Variants in CHRNA5 observed in about 807,000 individuals in gnomAD.
The protein encoded by CHRNA5 is cholinergic receptor nicotinic alpha 5 subunit.
Under a neutral mutation model 41.2 loss-of-function variants are expected in CHRNA5, and 28 were observed. The observed-to-expected ratio is 0.68, with a 90% CI of 0.50 to 0.93. CHRNA5 has a LOEUF of 0.93. CHRNA5 is among the 40% of genes least tolerant of loss of function. CHRNA5 has a pLI of 0.00. For missense variants in CHRNA5, 481 were observed against 581.9 expected (o/e 0.83, Z 1.78); for synonymous variants, 188 against 205.8 (o/e 0.91, Z 0.74).
rs117533191 is a variant in CHRNA5, at chr15:78,569,239, A to G, written c.106+3414A>G. On this transcript the variant is annotated intron_variant, in intron 1 of 5. Transcript: ENST00000299565. ...TGAACTCTGAGCTTTTTTTCAACCT[A>G]TAATCTACAAATGAGATCTAGCAAG... Among the ~76,000 whole-genome samples the G allele has an allele frequency of 6.1e-3, 930 of 152,266 alleles. 8 individuals are homozygous for G. The highest frequency in any genetic ancestry group is 9.0e-3 in the Non-Finnish European group (609 of 68,014).
chr15:78,580,160 G>A (rs997115361), intron 1 of CHRNA5, among the ~76,000 whole-genome samples: 15 of 150,584 alleles, frequency 1.0e-4, no homozygotes, highest in Non-Finnish European at 5.9e-5. Flanking sequence ...GATACCTGTA[G>A]TCTCAGCTAC....
intron 1 of CHRNA5, among the ~76,000 whole-genome samples, chr15:78,572,947 G>C (rs1010103618): frequency 6.6e-6 from 1 of 152,300 alleles, no homozygotes. Flanking sequence ...CTCTTTATGA[G>C]CTTCTGGATT....
At chr15:78,582,376 C>A (rs2052920441) in intron 2 of CHRNA5, among the ~76,000 whole-genome samples, 1 of 151,656 alleles carries the variant, frequency 6.6e-6, no homozygotes. Flanking sequence ...CCCAGCTACT[C>A]AGGAGGCTGA....
intron 5 of CHRNA5, among the ~76,000 whole-genome samples, chr15:78,592,687 C>CAACT (rs1314329273): frequency 6.6e-6 from 1 of 152,188 alleles, no homozygotes; most frequent in Non-Finnish European, 1.5e-5. Context: ...TATTCTGAAC[C>CAACT]AACTTTTAAT....
chr15:78,575,230 G>A (rs747470330), intron 1 of CHRNA5, among the ~76,000 whole-genome samples: 1 of 152,114 alleles, frequency 6.6e-6, no homozygotes, highest in African/African-American at 2.4e-5. Flanking sequence ...GATAGTAAGA[G>A]TTAAAATTGA....
At chr15:78,587,696 A>G (rs964268568) in intron 3 of CHRNA5, among the ~76,000 whole-genome samples, 2 of 152,150 alleles carry the variant, frequency 1.3e-5, no homozygotes, top group Admixed American at 1.3e-4. Context: ...CCTTTTATAT[A>G]AAGGACTTTT....
chr15:78,589,639 T>A (rs773170310), intron 4 of CHRNA5, 166 bp from the exon 5 acceptor site: 1 of 557,302 alleles, frequency 1.8e-6, no homozygotes, highest in Non-Finnish European at 3.1e-6. Context: ...AAGATATTCC[T>A]GGAGCAGGGT....
intron 1 of CHRNA5, among the ~76,000 whole-genome samples, chr15:78,566,354 T>G (rs1005733636): frequency 6.6e-6 from 1 of 152,224 alleles, no homozygotes; most frequent in African/African-American, 2.4e-5. Flanking sequence ...CCAACTTCCC[T>G]GGCTTCGGGG....
At chr15:78,577,459 C>T (rs890603353) in intron 1 of CHRNA5, among the ~76,000 whole-genome samples, 8 of 152,132 alleles carry the variant, frequency 5.3e-5, no homozygotes, top group Admixed American at 4.6e-4. Flanking sequence ...AATGGTATTT[C>T]TAGTATGGGA....
intron 2 of CHRNA5, among the ~76,000 whole-genome samples, chr15:78,585,148 C>A (rs2052947113): frequency 6.6e-6 from 1 of 152,178 alleles, no homozygotes; most frequent in Admixed American, 6.5e-5. Context: ...GAACTCCTGA[C>A]CTCGTGATCC....
Position 78,588,386 on chromosome 15 carries a change from G to T in CHRNA5, c.376G>T (p.Asp126Tyr). 6.3e-7 allele frequency: 1 copy of T among 1,584,448 alleles called. No homozygotes were observed. Among genetic ancestry groups the T allele is most frequent in the Non-Finnish European group, 8.6e-7 (1 of 1,161,650 alleles). ...AATAAAAGTTATACGTGTTCCTTCAGACTCTGTCTGGACACCAGACATCGT... is the reference window on the plus strand; with the variant it reads ...AATAAAAGTTATACGTGTTCCTTCATACTCTGTCTGGACACCAGACATCGT... The change falls in exon 4 of 6, where the codon GAC becomes TAC. Residue 126 changes from aspartate (D) to tyrosine (Y), a missense_variant. Coordinates refer to ENST00000299565, the Ensembl canonical transcript of CHRNA5. This position sits in a 1 kb window ranked among gnomAD's most constrained non-coding sequence, Gnocchi z 4.1.
rs1014744827 is a variant in CHRNA5 at position 78,586,687 on chromosome 15, C to T, written c.301C>T (p.Gln101Ter). 7.5e-6 allele frequency: 12 copies of T among 1,602,320 alleles called. No individual in the cohort carries two copies. Among genetic ancestry groups the T allele is most frequent in the Non-Finnish European group, 1.0e-5 (12 of 1,173,634 alleles). ...AATGACAACAAACGTCTGGTTGAAACAGGTATGTGTGTAAAATTCAAACGG... is the reference window on the plus strand; with the variant it reads ...AATGACAACAAACGTCTGGTTGAAATAGGTATGTGTGTAAAATTCAAACGG... Residue 101 changes from glutamine (Q) to a stop codon, truncating the protein, a stop_gained and splice_region_variant, in exon 3 of 6, where the codon CAG (glutamine) becomes TAG (stop). Coordinates refer to ENST00000299565, the Ensembl canonical transcript of CHRNA5. LOFTEE classifies it high-confidence loss of function.
At chr15:78,583,871 G>T (rs2052935488) in intron 2 of CHRNA5, among the ~76,000 whole-genome samples, 1 of 152,132 alleles carries the variant, frequency 6.6e-6, no homozygotes, top group African/African-American at 2.4e-5. Flanking sequence ...GGAATTGCTG[G>T]CCTGGAGGAG....
chr15:78,570,865 G>A (rs990435692), intron 1 of CHRNA5, among the ~76,000 whole-genome samples: 1 of 152,190 alleles, frequency 6.6e-6, no homozygotes, highest in African/African-American at 2.4e-5. Context: ...CCTGTGCCTT[G>A]TAGGATGTTT....
intron 3 of CHRNA5, 47 bp downstream of exon 3, chr15:78,586,736 C>T: frequency 7.7e-7 from 1 of 1,297,320 alleles, no homozygotes; most frequent in South Asian, 1.3e-5. Context: ...GACTGGGACA[C>T]CTATTTTTAT....
intron 1 of CHRNA5, among the ~76,000 whole-genome samples, chr15:78,574,364 G>C (rs1206558275): frequency 7.3e-6 from 1 of 136,526 alleles, no homozygotes; most frequent in African/African-American, 2.8e-5. Context: ...TGGCCAACAG[G>C]AGCTAAACGC....
intron 1 of CHRNA5, among the ~76,000 whole-genome samples, chr15:78,570,092 G>A (rs950324568): frequency 4.6e-5 from 7 of 152,070 alleles, no homozygotes; most frequent in Admixed American, 4.6e-4. Flanking sequence ...AAAGTGTTGG[G>A]ATTACAGGCG....
intron 1 of CHRNA5, among the ~76,000 whole-genome samples, chr15:78,569,454 G>A (rs1340183454): frequency 2.2e-5 from 3 of 134,804 alleles, no homozygotes; most frequent in African/African-American, 8.6e-5. Context: ...TTTTTTTTGA[G>A]ACGGAGTCTT....
At chr15:78,579,298 C>T (rs374703816) in intron 1 of CHRNA5, among the ~76,000 whole-genome samples, 55 of 152,056 alleles carry the variant, frequency 3.6e-4, no homozygotes, top group African/African-American at 1.2e-3. Flanking sequence ...CTGTTGGCCA[C>T]GCTGGAGTGC....
Sources: allele counts gnomAD v4.1 joint callset (sites outside exome capture counted in the v4.1 genomes callset), GRCh38; gene constraint gnomAD v4.1.1; non-coding constraint Gnocchi (gnomAD v3.1); transcripts MANE v1.5; gene names NCBI Gene and HGNC (gene_info 2026-07-23, HGNC 2026-07-21).